The following RYR1 variants were observed in gnomAD, a reference collection of about 807,000 sequenced individuals.
The protein encoded by RYR1 is central core disease of muscle.
RYR1 carries 342 observed loss-of-function variants against 583.5 expected under a neutral mutation model. The observed-to-expected ratio is 0.59, with a 90% CI of 0.54 to 0.64. The LOEUF is 0.64. Among genes scored for constraint, RYR1 ranks in the 30% least tolerant of loss-of-function variants. The probability of loss-of-function intolerance (pLI) is 0.00; values close to 1 mark genes in which losing one functional copy is unlikely to be tolerated. For missense variants in RYR1, 6,032 were observed against 6,917.2 expected (o/e 0.87, Z 4.54); for synonymous variants, 2,791 against 2,822.5 (o/e 0.99, Z 0.35).
chr19:38,519,562 G>A lies in RYR1; in HGVS notation c.10259+108G>A, dbSNP rs1971130894. The A allele has an allele frequency of 2.3e-6, 3 of 1,313,292 alleles. No individual in the cohort carries two copies. In the African/African-American group the frequency reaches 4.4e-5, roughly 19 times the overall value. The allele number at this position is 1,313,292 out of a possible 1,614,324, so 81.4% of individuals were successfully genotyped here. A position where few individuals can be genotyped will look rare whatever the true frequency, so the allele number is the denominator to read the frequency against. ...GGCTAGAAACTTCTTCCAATGCTCTGGCCCCACCAACCTTCTGACTCTTCC... is the reference window on the plus strand; with the variant it reads ...GGCTAGAAACTTCTTCCAATGCTCTAGCCCCACCAACCTTCTGACTCTTCC... On this transcript the variant is annotated intron_variant, in intron 67 of 105. Transcript: ENST00000359596.
intron 99 of RYR1, among the ~76,000 whole-genome samples, chr19:38,578,771 A>G (rs141452345): frequency 6.6e-6 from 1 of 152,278 alleles, no homozygotes; most frequent in African/African-American, 2.4e-5. Flanking sequence ...AGCCTGGGCG[A>G]CAGAATGAGA....
chr19:38,477,570 G>C, intron 29 of RYR1, 140 bp from the exon 30 acceptor site: 1 of 946,846 alleles, frequency 1.1e-6, no homozygotes, highest in Non-Finnish European at 1.7e-6. Context: ...ACATAACCAG[G>C]GGGTGGGGGA....
intron 78 of RYR1, among the ~76,000 whole-genome samples, chr19:38,534,093 C>A (rs946454293): frequency 2.0e-5 from 3 of 149,460 alleles, no homozygotes; most frequent in Non-Finnish European, 3.0e-5. Flanking sequence ...CTCACTGCAA[C>A]CTCCACCTCC....
In RYR1 at chr19:38,565,954, C is replaced by T. The variant is rs1263069442; in HGVS notation, c.13437+183C>T. On this transcript the variant is annotated intron_variant, in intron 91 of 105. Transcript: ENST00000359596. The surrounding 1 kb of genome is among the most constrained non-coding windows in gnomAD (Gnocchi z 4.7). ...GACAGCGGGCGCCGGGCAAGAGAGA[C>T]GCTCAGAGACAGAGGGATACTCAGA... Among the ~76,000 whole-genome samples the T allele has an allele frequency of 6.6e-6, 1 of 151,844 alleles. No homozygotes were observed. The highest frequency in any genetic ancestry group is 1.5e-5 in the Non-Finnish European group (1 of 67,978).
At chr19:38,501,972 C>T (rs2163824) in intron 47 of RYR1, among the ~76,000 whole-genome samples, 2 of 149,348 alleles carry the variant, frequency 1.3e-5, no homozygotes, top group Non-Finnish European at 3.0e-5. Flanking sequence ...GGCGACAGAG[C>T]GAGACCTTAT....
At chr19:38,460,683 C>T in intron 20 of RYR1, 92 bp downstream of exon 20, 1 of 1,263,582 alleles carries the variant, frequency 7.9e-7, no homozygotes, top group Non-Finnish European at 1.1e-6. Context: ...CCTGTAATCC[C>T]AGCACTTTGG....
chr19:38,532,374 C>A, intron 76 of RYR1, 116 bp from the exon 77 acceptor site: 1 of 1,006,198 alleles, frequency 9.9e-7, no homozygotes, highest in Non-Finnish European at 1.6e-6. Context: ...CTGCCTGCCT[C>A]AGCCTCCCAG....
rs751728775 is a variant in RYR1, at chr19:38,463,844, C to T, written c.2780C>T (p.Thr927Met). 17 of 1,613,062 alleles carry T rather than the reference C, an allele frequency of 1.1e-5. No individual in the cohort carries two copies. Among genetic ancestry groups the T allele is most frequent in the South Asian group, 7.7e-5 (7 of 91,042 alleles). Residue 927 changes from threonine (T) to methionine (M), a missense_variant, in exon 22 of 106, where the codon ACG becomes ATG. Thr to Met is a moderately conservative substitution (Grantham distance 81). Around this residue, in one of 11 missense-constraint regions of RYR1, gnomAD observed 2,627 missense variants for 2,961.3 expected, o/e 0.89. Transcript: ENST00000359596. ...TACAACCTGCAGATGTCTGGGGAGA[C>T]GCTCAAGTGAGGGCCCAGGGGAGCC... Reference protein sequence around the residue: ...RNYNLQMSGETLKTLLALGCH... With the variant: ...RNYNLQMSGEMLKTLLALGCH...
intron 1 of RYR1, among the ~76,000 whole-genome samples, chr19:38,438,930 T>TA (rs1972549615): frequency 6.6e-6 from 1 of 151,650 alleles, no homozygotes; most frequent in African/African-American, 2.4e-5. Context: ...AGGCTGGTCT[T>TA]AAACTCCTGG....
At chr19:38,482,179 C>A (rs979093049) in intron 31 of RYR1, among the ~76,000 whole-genome samples, 2 of 152,062 alleles carry the variant, frequency 1.3e-5, no homozygotes, top group African/African-American at 4.8e-5. Flanking sequence ...TGACAGGATC[C>A]CAGGGGCTTC....
At chr19:38,566,784 G>A (rs1350168348) in intron 91 of RYR1, 127 bp from the exon 92 acceptor site, 2 of 1,512,134 alleles carry the variant, frequency 1.3e-6, no homozygotes, top group African/African-American at 1.4e-5. Context: ...CCTCTTTCTG[G>A]TGGAGGGAAG....
At chr19:38,529,908 C>T (rs757124683) in intron 76 of RYR1, among the ~76,000 whole-genome samples, 3 of 152,262 alleles carry the variant, frequency 2.0e-5, no homozygotes, top group Non-Finnish European at 4.4e-5. Flanking sequence ...CACTGTGAGA[C>T]GGATTATTGC....
intron 47 of RYR1, among the ~76,000 whole-genome samples, chr19:38,501,298 G>A (rs1460814020): frequency 1.3e-5 from 2 of 152,124 alleles, no homozygotes; most frequent in Admixed American, 6.6e-5. Flanking sequence ...AGGAGTTCGA[G>A]ACCAGCCTGA....
chr19:38,564,565 T>A (rs1200813500), intron 90 of RYR1, among the ~76,000 whole-genome samples: 1 of 151,888 alleles, frequency 6.6e-6, no homozygotes, highest in Non-Finnish European at 1.5e-5. Flanking sequence ...TTGCCCAGGC[T>A]GGAGTGCAGT....
rs1032622002 is a variant in RYR1 at position 38,452,848 on chromosome 19, G to A, written c.1274G>A (p.Arg425Gln). The change falls in exon 13 of 106, where the codon CGG becomes CAG. Residue 425 changes from arginine (R) to glutamine (Q), a missense_variant. By Grantham distance (43) the Arg-to-Gln change is conservative. Transcript: ENST00000359596. ...CTGGACAGCTTCAGCGGGAAGCCACGGGGCTCGGGGCCACCCGCTGGCACG... is the reference window on the plus strand; with the variant it reads ...CTGGACAGCTTCAGCGGGAAGCCACAGGGCTCGGGGCCACCCGCTGGCACG... ...KSLDSFSGKP[R>Q]GSGPPAGTAL... 18 of 1,604,244 alleles carry A rather than the reference G, an allele frequency of 1.1e-5. No individual in the cohort carries two copies. The highest frequency in any genetic ancestry group is 1.7e-5 in the Admixed American group (1 of 58,296).
chr19:38,500,090 C>G lies in RYR1; in HGVS notation c.7323+74C>G. ...GCTTTGAACGCCTCATGCAGGCACT[C>G]GGTGACACGGAGTGAGCTCCCATAT... is the stretch of plus-strand genomic sequence containing the variant. On this transcript the variant is annotated intron_variant, in intron 45 of 105. Transcript: ENST00000359596. This position sits in a 1 kb window ranked among gnomAD's most constrained non-coding sequence, Gnocchi z 5.9. 1 of 1,312,326 alleles carries G rather than the reference C, an allele frequency of 7.6e-7. No individual in the cohort carries two copies. Among genetic ancestry groups the G allele is most frequent in the Non-Finnish European group, 1.1e-6 (1 of 917,354 alleles). 81.3% of individuals were successfully genotyped at this position (1,312,326 alleles called of 1,614,324 possible).
chr19:38,467,952 A>G (rs1392467012), intron 25 of RYR1, 140 bp downstream of exon 25: 1 of 731,700 alleles, frequency 1.4e-6, no homozygotes, highest in Non-Finnish European at 2.3e-6. Context: ...CCATCTATCC[A>G]TCCATTCAAC....
At chr19:38,446,042 T>A (rs904168557) in intron 7 of RYR1, among the ~76,000 whole-genome samples, 2 of 151,800 alleles carry the variant, frequency 1.3e-5, no homozygotes, top group Non-Finnish European at 2.9e-5. Flanking sequence ...AGGCCCTAAC[T>A]CCAGAACCCA....
chr19:38,538,797 G>A (rs1011901102), intron 84 of RYR1: 1 of 152,132 alleles, frequency 6.6e-6, no homozygotes, highest in African/African-American at 2.4e-5. Flanking sequence ...CAAGATTGAG[G>A]ATGACAGCAA....
Sources: gnomAD v4.1 joint callset for allele counts (sites outside exome capture counted in the v4.1 genomes callset) on GRCh38, gnomAD v4.1.1 for gene constraint, gnomAD v4.1.1 regional missense constraint, Gnocchi (gnomAD v3.1) non-coding constraint, MANE v1.5 for transcripts, NCBI Gene and HGNC (gene_info 2026-07-23, HGNC 2026-07-21) for gene names.